The following MYO5B variants were observed in gnomAD, a reference collection of about 807,000 sequenced individuals.
MYO5B encodes unconventional myosin-Vb.
In MYO5B, 143 loss-of-function variants were observed where a neutral mutation model predicts 229.3. That is an observed-to-expected ratio of 0.62 (90% CI 0.54 to 0.72). The LOEUF (loss-of-function observed/expected upper bound fraction) is 0.72. Ranked by LOEUF, MYO5B falls within the 30% of genes least tolerant of loss-of-function variation. The probability of loss-of-function intolerance (pLI) is 0.00; values close to 1 mark genes in which losing one functional copy is unlikely to be tolerated. For missense variants in MYO5B, 2,321 were observed against 2,331.0 expected (o/e 1.00, Z 0.09); for synonymous variants, 918 against 885.2 (o/e 1.04, Z -0.66).
intron 39 of MYO5B, among the ~76,000 whole-genome samples, chr18:49,829,443 T>C (rs2023888220): frequency 6.6e-6 from 1 of 152,144 alleles, no homozygotes; most frequent in African/African-American, 2.4e-5. Flanking sequence ...CTATAACAAG[T>C]AAGCATATTG....
chr18:49,911,377 C>A (rs970793365), intron 18 of MYO5B, among the ~76,000 whole-genome samples: 11 of 152,088 alleles, frequency 7.2e-5, no homozygotes, highest in African/African-American at 2.4e-4. Context: ...CTTGGAAGGC[C>A]TAGAAGTTTG....
chr18:49,966,787 C>A (rs2025630775), intron 10 of MYO5B, among the ~76,000 whole-genome samples: 1 of 152,198 alleles, frequency 6.6e-6, no homozygotes, highest in Non-Finnish European at 1.5e-5. Flanking sequence ...GGTAACAATT[C>A]CTGTGCCATC....
Position 49,837,503 on chromosome 18 carries a change from T to TG in MYO5B, c.5138+13dup. On this transcript the variant is annotated intron_variant, in intron 37 of 39. Transcript: ENST00000285039. ...CCACTCTATCTGTGTTGTTGGGGGG[T>TG]GCTCCTCCCTTACCTGAGTTGCATG... The TG allele has an allele frequency of 6.2e-7, 1 of 1,613,556 alleles. No individual in the cohort carries two copies. Among genetic ancestry groups the TG allele is most frequent in the East Asian group, 2.2e-5 (1 of 44,880 alleles).
At chr18:50,122,623 GGAA>G (rs2032080759) in intron 1 of MYO5B, among the ~76,000 whole-genome samples, 1 of 19,416 alleles carries the variant, frequency 5.2e-5, no homozygotes, top group Non-Finnish European at 1.8e-4. Flanking sequence ...AGGGAGGGAG[GGAA>G]GGGGGGGGGA....
chr18:50,071,979 C>T (rs2030966926), intron 1 of MYO5B, among the ~76,000 whole-genome samples: 1 of 152,182 alleles, frequency 6.6e-6, no homozygotes, highest in Non-Finnish European at 1.5e-5. Flanking sequence ...CATCTAGCTT[C>T]CATCACTGGG....
In MYO5B at chr18:49,826,371, C is replaced by A. The variant is rs1262781416; in HGVS notation, c.*100G>T. 14 of 1,426,984 alleles carry A rather than the reference C, an allele frequency of 9.8e-6. No individual in the cohort carries two copies. Among genetic ancestry groups the A allele is most frequent in the Admixed American group, 9.4e-5 (5 of 53,232 alleles). 88.4% of individuals were successfully genotyped at this position (1,426,984 alleles called of 1,614,324 possible). ...ACAGGCTGTCAATCTCTGATTTGAT[C>A]TACTTTTACCAGATTTAACAGATCC... is the stretch of plus-strand genomic sequence containing the variant. On this transcript the variant is annotated 3_prime_UTR_variant, in exon 40 of 40. Coordinates refer to ENST00000285039, the MANE Select transcript of MYO5B (RefSeq NM_001080467.3).
chr18:49,992,140 G>T, intron 6 of MYO5B, 148 bp downstream of exon 6: 2 of 1,129,366 alleles, frequency 1.8e-6, no homozygotes, highest in Non-Finnish European at 1.3e-6. Context: ...AACACTTACT[G>T]ATAAAAGATA....
At chr18:49,859,484 CT>C in intron 29 of MYO5B, among the ~76,000 whole-genome samples, 1 of 152,342 alleles carries the variant, frequency 6.6e-6, no homozygotes, top group Middle Eastern at 3.4e-3. Flanking sequence ...CCACTGTGTG[CT>C]CCACAGACAG....
intron 22 of MYO5B, among the ~76,000 whole-genome samples, chr18:49,889,183 A>G (rs1348771702): frequency 6.6e-6 from 1 of 152,234 alleles, no homozygotes; most frequent in Non-Finnish European, 1.5e-5. Flanking sequence ...AATATCTAGA[A>G]TACATGAGCT....
chr18:49,936,375 G>C (rs568631928), intron 15 of MYO5B, 26 bp from the exon 16 acceptor site: 1 of 1,533,948 alleles, frequency 6.5e-7, no homozygotes, highest in African/African-American at 1.4e-5. Flanking sequence ...CCAGTGCTTG[G>C]TTAGTTTTAA....
intron 1 of MYO5B, among the ~76,000 whole-genome samples, chr18:50,143,830 C>T: frequency 6.6e-6 from 1 of 152,302 alleles, no homozygotes; most frequent in African/African-American, 2.4e-5. Context: ...TCCTACGCAC[C>T]TGCCTTAATC....
At chr18:50,188,306 A>C (rs1159876052) in intron 1 of MYO5B, among the ~76,000 whole-genome samples, 1 of 152,134 alleles carries the variant, frequency 6.6e-6, no homozygotes, top group Admixed American at 6.5e-5. Flanking sequence ...ACTACACCTT[A>C]AAGGAAGCCT....
At chr18:49,956,301 G>C (rs2025491997) in intron 12 of MYO5B, among the ~76,000 whole-genome samples, 2 of 152,228 alleles carry the variant, frequency 1.3e-5, no homozygotes, top group African/African-American at 4.8e-5. Flanking sequence ...ATGTCAGCTA[G>C]GTGCTATGTT....
chr18:49,989,164 T>C (rs1236245480), intron 7 of MYO5B, among the ~76,000 whole-genome samples: 2 of 152,176 alleles, frequency 1.3e-5, no homozygotes, highest in African/African-American at 2.4e-5. Context: ...TAGAGTTTGA[T>C]GAACAAACGC....
chr18:49,951,660 C>T (rs2025432276), intron 14 of MYO5B, among the ~76,000 whole-genome samples: 1 of 152,166 alleles, frequency 6.6e-6, no homozygotes. Context: ...CAGAACCAGA[C>T]TCTGTATTAA....
At chr18:49,943,226 G>T (rs1366863507) in intron 14 of MYO5B, among the ~76,000 whole-genome samples, 1 of 107,148 alleles carries the variant, frequency 9.3e-6, no homozygotes, top group Admixed American at 1.2e-4. Context: ...TGGGGTGGGG[G>T]GAGGGGGGAG....
At chr18:49,901,045 A>G (rs1375033199) in intron 21 of MYO5B, among the ~76,000 whole-genome samples, 1 of 152,230 alleles carries the variant, frequency 6.6e-6, no homozygotes, top group African/African-American at 2.4e-5. Context: ...TGATCTCACA[A>G]AATTGTATGA....
intron 8 of MYO5B, among the ~76,000 whole-genome samples, chr18:49,982,369 C>T (rs1426949015): frequency 6.6e-6 from 1 of 152,164 alleles, no homozygotes; most frequent in Non-Finnish European, 1.5e-5. Flanking sequence ...ACTTCCTTTA[C>T]TCTTGAGAAC....
rs1043349074 is a variant in MYO5B, at chr18:49,843,337, G to A, written c.4515C>T (p.Leu1505=). 6 of 1,614,074 alleles carry A rather than the reference G, an allele frequency of 3.7e-6. No homozygotes were observed. In the African/African-American group the frequency reaches 8.0e-5, roughly 22 times the overall value. The change falls in exon 34 of 40, where the codon CTC becomes CTT. Residue 1505 remains leucine (L), a synonymous_variant. Coordinates refer to ENST00000285039, the MANE Select transcript of MYO5B (RefSeq NM_001080467.3). ...AGTCCGCGTGCCGGATGCACATGTA[G>A]AGGATGTAGGCGGGGAGACAGGGCA... ...GTVPCLPAYI[L]YMCIRHADYT... is the part of the protein sequence containing the mutation.
Sources: gnomAD v4.1 joint callset for allele counts (sites outside exome capture counted in the v4.1 genomes callset) on GRCh38, gnomAD v4.1.1 for gene constraint, MANE v1.5 for transcripts, NCBI Gene and HGNC (gene_info 2026-07-23, HGNC 2026-07-21) for gene names.